Variants in FLYWCH1 observed in about 807,000 individuals in gnomAD.
The protein encoded by FLYWCH1 is FLYWCH-type zinc finger 1.
In FLYWCH1, 75 loss-of-function variants were observed where a neutral mutation model predicts 66.4. The observed-to-expected ratio is 1.13, with a 90% CI of 0.94 to 1.37. The LOEUF is 1.37. Among genes scored for constraint, FLYWCH1 ranks in the 40% most tolerant of loss-of-function variants. The probability of loss-of-function intolerance (pLI) is 0.00; values close to 1 mark genes in which losing one functional copy is unlikely to be tolerated. For synonymous variants in FLYWCH1, 595 were observed against 429.9 expected (o/e 1.38, Z -4.75); for missense variants, 1,334 against 1,001.8 (o/e 1.33, Z -4.48).
intron 8 of FLYWCH1, among the ~76,000 whole-genome samples, chr16:2,939,335 C>T (rs924038632): frequency 3.3e-5 from 5 of 152,180 alleles, no homozygotes; most frequent in Admixed American, 1.3e-4. Context: ...ATCCCAGCTA[C>T]GCTGTAATCC....
intron 9 of FLYWCH1, 94 bp downstream of exon 9, chr16:2,940,186 G>T (rs1025394192): frequency 8.5e-6 from 6 of 704,056 alleles, no homozygotes; most frequent in Non-Finnish European, 1.6e-5. Context: ...GCTTTTGTGG[G>T]TCAACATTAT....
chr16:2,912,988 T>A (rs1280504800), intron 1 of FLYWCH1: 2 of 152,242 alleles, frequency 1.3e-5, no homozygotes, highest in Non-Finnish European at 2.9e-5. Context: ...ATCATGTTTC[T>A]CTTGTTCCTT....
chr16:2,945,707 G>C lies in FLYWCH1; in HGVS notation c.2112-2981G>C, dbSNP rs565162898. 3.3e-5 allele frequency among the ~76,000 whole-genome samples: 5 copies of C among 150,602 alleles called. 1 individual carries two copies. The South Asian group carries it at 8.4e-4, about 25-fold the overall frequency. On this transcript the variant is annotated intron_variant, in intron 9 of 9. Coordinates refer to ENST00000253928, the MANE Select transcript of FLYWCH1 (RefSeq NM_001308068.2). Reference sequence around the variant, plus strand: ...AATTTTAAAATCCTTAAAAATAAAAGCTTATAGAGGCCGGGTGCGGTGGCT... The same window carrying C: ...AATTTTAAAATCCTTAAAAATAAAACCTTATAGAGGCCGGGTGCGGTGGCT...
chr16:2,938,129 A>C (rs1331321344), intron 7 of FLYWCH1, 55 bp from the exon 8 acceptor site: 9 of 1,556,084 alleles, frequency 5.8e-6, no homozygotes, highest in Non-Finnish European at 7.8e-6. Flanking sequence ...TCAGACCCCC[A>C]GCCCTGCCAC....
At position 2,933,147 on chromosome 16, in the gene FLYWCH1, G is replaced by C. The variant is rs371092849; in HGVS notation, c.814G>C (p.Glu272Gln). The part of the protein sequence containing the change: ...ILGLGQARPL[E>Q]FLRTCYGGSF... ...TCCTCTAGGACAGGCCCGGCCCCTC[G>C]AGTTCCTGAGGACGTGCTACGGGGG... The change falls in exon 5 of 10, where the codon GAG becomes CAG. Residue 272 changes from glutamate to glutamine, a missense_variant. Physicochemically the swap from Glu to Gln is conservative, Grantham distance 29. Coordinates refer to ENST00000253928, the MANE Select transcript of FLYWCH1 (RefSeq NM_001308068.2). 1 of 1,613,400 alleles carries C rather than the reference G, an allele frequency of 6.2e-7. No individual in the cohort carries two copies. Among genetic ancestry groups the C allele is most frequent in the African/African-American group, 1.3e-5 (1 of 74,964 alleles).
Position 2,937,104 on chromosome 16 carries a change from C to A in FLYWCH1, c.1514-17C>A. On this transcript the variant is annotated splice_polypyrimidine_tract_variant and intron_variant, in intron 6 of 9. Coordinates refer to ENST00000253928, the MANE Select transcript of FLYWCH1 (RefSeq NM_001308068.2). ...AGAGCTGGTGTCCGCTGCTCCTCCC[C>A]TCCCATTTCTCAACAGGAGGCCCCG... 6.3e-7 allele frequency: 1 copy of A among 1,590,042 alleles called. No individual in the cohort carries two copies. The highest frequency in any genetic ancestry group is 8.6e-7 in the Non-Finnish European group (1 of 1,168,334).
intron 6 of FLYWCH1, 44 bp from the exon 7 acceptor site, chr16:2,937,077 T>G: frequency 6.5e-7 from 1 of 1,548,420 alleles, no homozygotes; most frequent in Non-Finnish European, 8.7e-7. Context: ...ATCTGGGCTC[T>G]GAGAGCTGGT....
At chr16:2,927,339 G>A (rs2150935620) in intron 2 of FLYWCH1, among the ~76,000 whole-genome samples, 1 of 152,334 alleles carries the variant, frequency 6.6e-6, no homozygotes, top group Admixed American at 6.5e-5. Context: ...ACCGGCCGGG[G>A]AAGGGGCTCC....
intron 8 of FLYWCH1, 89 bp from the exon 9 acceptor site, chr16:2,939,943 G>A: frequency 1.3e-6 from 2 of 1,484,512 alleles, no homozygotes; most frequent in East Asian, 2.5e-5. Flanking sequence ...CAGCCTTGAG[G>A]GCGTCGTTAA....
intron 2 of FLYWCH1, chr16:2,915,560 T>C (rs1257231479): frequency 1.3e-5 from 2 of 152,212 alleles, no homozygotes; most frequent in African/African-American, 4.8e-5. Flanking sequence ...GGCACTGTTT[T>C]TGAAACTGCT....
chr16:2,917,803 T>G (rs1359173169), intron 2 of FLYWCH1, among the ~76,000 whole-genome samples: 3 of 90,436 alleles, frequency 3.3e-5, no homozygotes, highest in South Asian at 3.7e-4. Context: ...CCTCTTCCCC[T>G]CCCCCGATCC....
In FLYWCH1 at chr16:2,929,986, CAGA is replaced by C; in HGVS notation, c.304_306del (p.Lys102del). The C allele has an allele frequency of 6.2e-7, 1 of 1,606,706 alleles. No homozygotes were observed. Reference sequence around the variant, plus strand: ...CCAGCCAGCCCTAGAGATGCCTGAACAGAAGTGCAGCAAGCTGGATGCAGGTGA... The same window carrying C: ...CCAGCCAGCCCTAGAGATGCCTGAACAGTGCAGCAAGCTGGATGCAGGTGA... On this transcript the variant is annotated inframe_deletion, in exon 3 of 10. Transcript: ENST00000253928.
At chr16:2,941,995 CAAAAAAAAAAAA>C (rs748281347) in intron 9 of FLYWCH1, among the ~76,000 whole-genome samples, 7 of 33,594 alleles carry the variant, frequency 2.1e-4, no homozygotes, top group East Asian at 9.2e-4. Context: ...AGACTCATCT[CAAAAAAAAAAAA>C]AAAAAAAAAA....
At chr16:2,942,494 C>G (rs1040508040) in intron 9 of FLYWCH1, among the ~76,000 whole-genome samples, 1 of 152,030 alleles carries the variant, frequency 6.6e-6, no homozygotes, top group Non-Finnish European at 1.5e-5. Context: ...CAAAACCAAG[C>G]AAAGGAATCA....
chr16:2,933,191 G>C lies in FLYWCH1; in HGVS notation c.858G>C (p.Glu286Asp). 6.2e-7 allele frequency: 1 copy of C among 1,613,782 alleles called. No individual in the cohort carries two copies. Among genetic ancestry groups the C allele is most frequent in the East Asian group, 2.2e-5 (1 of 44,844 alleles). ...TCYGGSFLVH[E>D]SFLYKREKAV... ...ACGGGGGCAGCTTCCTGGTACACGA[G>C]TCGTTCCTCTACAAGCGGGAGAAGG... The change falls in exon 5 of 10, where the codon GAG (glutamate) becomes GAC (aspartate). Residue 286 changes from glutamate (E) to aspartate (D), a missense_variant. By Grantham distance (45) the Glu-to-Asp change is conservative. Coordinates refer to ENST00000253928, the MANE Select transcript of FLYWCH1 (RefSeq NM_001308068.2).
At chr16:2,938,616 T>G (rs1441424667) in intron 8 of FLYWCH1, among the ~76,000 whole-genome samples, 160 bp downstream of exon 8, 2 of 149,486 alleles carry the variant, frequency 1.3e-5, no homozygotes, top group Non-Finnish European at 3.0e-5. Context: ...TGTTTTTTTT[T>G]TTTTTTTTTT....
At chr16:2,948,283 G>A (rs140525549) in intron 9 of FLYWCH1, among the ~76,000 whole-genome samples, 156 of 152,234 alleles carry the variant, frequency 1.0e-3, no homozygotes, top group African/African-American at 3.6e-3. Context: ...GATCAGCCAG[G>A]TGAGGTGGCT....
In FLYWCH1 at chr16:2,925,578, G is replaced by GGC. The variant is rs1555483226; in HGVS notation, c.-73-4034_-73-4033insCG. ...CGCGCGGGGTAGGGGGAGTTGCGGG[G>GGC]GGAGGGGGGTACGGGGCTTTCCGCC... On this transcript the variant is annotated intron_variant, in intron 2 of 9. Coordinates refer to ENST00000253928, the MANE Select transcript of FLYWCH1 (RefSeq NM_001308068.2). Among the ~76,000 whole-genome samples the GGC allele has an allele frequency of 4.5e-5, 6 of 134,472 alleles. 1 individual carries two copies. Among genetic ancestry groups the GGC allele is most frequent in the Non-Finnish European group, 8.1e-5 (5 of 61,984 alleles). 88.2% of individuals were successfully genotyped at this position (134,472 alleles called of 152,430 possible). A position where few individuals can be genotyped will look rare whatever the true frequency, so the allele number is the denominator to read the frequency against.
rs766427327 is a variant in FLYWCH1 at position 2,937,389 on chromosome 16, G to T, written c.1777+5G>T. 4 of 1,540,656 alleles carry T rather than the reference G, an allele frequency of 2.6e-6. No individual in the cohort carries two copies. Among genetic ancestry groups the T allele is most frequent in the African/African-American group, 2.7e-5 (2 of 73,562 alleles). On this transcript the variant is annotated splice_donor_5th_base_variant and intron_variant, in intron 7 of 9. Transcript: ENST00000253928. ...TGGCGCAGTGGGACAGCCCAGGTGC[G>T]TGTGGAGGGTGCTGGGCTGGGTCTG... is the stretch of plus-strand genomic sequence containing the variant.
Sources: allele counts gnomAD v4.1 joint callset (sites outside exome capture counted in the v4.1 genomes callset), GRCh38; gene constraint gnomAD v4.1.1; transcripts MANE v1.5; gene names NCBI Gene and HGNC (gene_info 2026-07-23, HGNC 2026-07-21).